Variants in SLC17A5 observed in about 807,000 individuals in gnomAD.
SLC17A5 encodes the protein solute carrier family 17 member 5.
SLC17A5 carries 47 observed loss-of-function variants against 59.4 expected under a neutral mutation model. The observed-to-expected ratio is 0.79, with a 90% CI of 0.63 to 1.01. The LOEUF (loss-of-function observed/expected upper bound fraction) is 1.01, where lower values mean the gene tolerates loss of function less well. Among genes scored for constraint, SLC17A5 ranks in the 50% least tolerant of loss-of-function variants. The probability of loss-of-function intolerance (pLI) is 0.00; values close to 1 mark genes in which losing one functional copy is unlikely to be tolerated. For synonymous variants in SLC17A5, 202 were observed against 210.7 expected, an observed-to-expected ratio of 0.96 and a Z score of 0.36; for missense variants, 522 against 595.5, an observed-to-expected ratio of 0.88 and a Z score of 1.28.
intron 9 of SLC17A5, among the ~76,000 whole-genome samples, chr6:73,608,037 A>G (rs1767477293): frequency 6.6e-6 from 1 of 152,058 alleles, no homozygotes; most frequent in East Asian, 1.9e-4. Flanking sequence ...TCAGCCTCCC[A>G]AAGTGTTGGG....
At chr6:73,637,811 A>G (rs928412892) in intron 4 of SLC17A5, among the ~76,000 whole-genome samples, 2 of 152,164 alleles carry the variant, frequency 1.3e-5, no homozygotes, top group Non-Finnish European at 1.5e-5. Context: ...AGTCCGGTGG[A>G]AAAATTTTAA....
chr6:73,607,273 A>G (rs636166), intron 9 of SLC17A5, among the ~76,000 whole-genome samples: 16,224 of 149,372 alleles, frequency 0.11, 1,044 homozygotes, highest in Middle Eastern at 0.18. Flanking sequence ...ATCTTTTGAC[A>G]ATAGCACTAT....
intron 4 of SLC17A5, 93 bp downstream of exon 4, chr6:73,638,319 C>G: frequency 2.3e-6 from 2 of 880,758 alleles, no homozygotes; most frequent in Non-Finnish European, 3.7e-6. Flanking sequence ...GCATCCAATC[C>G]AACATTGCAT....
At chr6:73,645,231 GC>G in intron 1 of SLC17A5, 1 of 651,002 alleles carries the variant, frequency 1.5e-6, no homozygotes, top group Admixed American at 6.3e-5. Flanking sequence ...ATGTAGCATA[GC>G]AAAAAAAATT....
chr6:73,621,467 T>G (rs753964217), intron 7 of SLC17A5, among the ~76,000 whole-genome samples: 2 of 152,208 alleles, frequency 1.3e-5, no homozygotes, highest in Non-Finnish European at 2.9e-5. Context: ...CATGTGCTTA[T>G]TGGCCATCTG....
chr6:73,600,967 C>A (rs143059125), intron 9 of SLC17A5, among the ~76,000 whole-genome samples: 1 of 152,264 alleles, frequency 6.6e-6, no homozygotes, highest in South Asian at 2.1e-4. Flanking sequence ...GCCGCCACCC[C>A]GTCTGGGAAG....
chr6:73,597,227 G>A (rs190532917), intron 10 of SLC17A5, among the ~76,000 whole-genome samples: 112 of 152,090 alleles, frequency 7.4e-4, no homozygotes, highest in African/African-American at 2.7e-3. Context: ...TAGCACTTTG[G>A]GAGGCCATGG....
At chr6:73,601,445 C>T (rs868290762) in intron 9 of SLC17A5, among the ~76,000 whole-genome samples, 2,488 of 107,320 alleles carry the variant, frequency 0.023, 20 homozygotes, top group South Asian at 0.064. Context: ...CCAGCCGCCC[C>T]GTCCGGGAGG....
chr6:73,636,980 T>C (rs553338700), intron 4 of SLC17A5, among the ~76,000 whole-genome samples: 1 of 151,854 alleles, frequency 6.6e-6, no homozygotes, highest in African/African-American at 2.4e-5. Context: ...GCTACTTAGC[T>C]ACTTGGGAGG....
intron 4 of SLC17A5, among the ~76,000 whole-genome samples, chr6:73,638,011 C>T (rs1769101208): frequency 6.6e-6 from 1 of 151,186 alleles, no homozygotes; most frequent in Non-Finnish European, 1.5e-5. Flanking sequence ...ACAGAAATCA[C>T]AATTTAAGGA....
At chr6:73,611,965 G>T (rs921067276) in intron 8 of SLC17A5, among the ~76,000 whole-genome samples, 1 of 151,666 alleles carries the variant, frequency 6.6e-6, no homozygotes, top group African/African-American at 2.4e-5. Flanking sequence ...CTGAGTAGCT[G>T]GGACTACAGG....
At chr6:73,639,977 C>T (rs1392079340) in intron 3 of SLC17A5, among the ~76,000 whole-genome samples, 3 of 152,070 alleles carry the variant, frequency 2.0e-5, no homozygotes, top group South Asian at 2.1e-4. Flanking sequence ...ACTCAGGAAG[C>T]GGAGGTTGCA....
At chr6:73,601,625 C>T (rs1259485570) in intron 9 of SLC17A5, among the ~76,000 whole-genome samples, 4 of 88,328 alleles carry the variant, frequency 4.5e-5, no homozygotes, top group East Asian at 3.1e-4. Context: ...CCGCCCCGTC[C>T]GGGAGGGAGG....
chr6:73,627,953 C>A (rs1484970261), intron 6 of SLC17A5, among the ~76,000 whole-genome samples: 1 of 150,130 alleles, frequency 6.7e-6, no homozygotes, highest in Non-Finnish European at 1.5e-5. Flanking sequence ...CAGGGTTTCG[C>A]TCTGTCGCAC....
At chr6:73,630,779 G>C (rs1185375917) in intron 6 of SLC17A5, among the ~76,000 whole-genome samples, 1 of 152,178 alleles carries the variant, frequency 6.6e-6, no homozygotes, top group Non-Finnish European at 1.5e-5. Context: ...GGGTGTGGTG[G>C]CTCCCACCTG....
intron 1 of SLC17A5, chr6:73,652,891 A>T: frequency 3.7e-6 from 1 of 267,702 alleles, no homozygotes; most frequent in Non-Finnish European, 5.8e-6. Flanking sequence ...CTTTGAAACT[A>T]TAGAATGCAT....
chr6:73,625,682 C>A (rs1768377405), intron 6 of SLC17A5, among the ~76,000 whole-genome samples: 1 of 151,840 alleles, frequency 6.6e-6, no homozygotes, highest in Non-Finnish European at 1.5e-5. Flanking sequence ...GAGTGTAGGG[C>A]CAAGGAATCT....
chr6:73,622,389 C>T (rs2150099931), intron 6 of SLC17A5, among the ~76,000 whole-genome samples: 1 of 151,876 alleles, frequency 6.6e-6, no homozygotes, highest in African/African-American at 2.4e-5. Context: ...GCAACCTCTG[C>T]CTCCTGAGTT....
At chr6:73,652,877 A>T (rs1769934380) in intron 1 of SLC17A5, 1 of 224,082 alleles carries the variant, frequency 4.5e-6, no homozygotes, top group Non-Finnish European at 7.5e-6. Context: ...TCTCACGCAC[A>T]GATCTTTGAA....
Sources: gnomAD v4.1 joint callset for allele counts (sites outside exome capture counted in the v4.1 genomes callset) on GRCh38, gnomAD v4.1.1 for gene constraint, MANE v1.5 for transcripts, NCBI Gene and HGNC (gene_info 2026-07-23, HGNC 2026-07-21) for gene names.